SPEN: variants seen among roughly 807,000 people sequenced by gnomAD.
The protein encoded by SPEN is spen family transcriptional repressor.
In SPEN, 18 loss-of-function variants were observed where a neutral mutation model predicts 269.9. The ratio of observed to expected loss-of-function variants is 0.07; its 90% CI spans 0.05 to 0.10. The LOEUF (loss-of-function observed/expected upper bound fraction) is 0.10. Among genes scored for constraint, SPEN ranks in the 10% least tolerant of loss-of-function variants. The pLI, the probability that SPEN is intolerant of heterozygous loss-of-function variation, is 1.00. For missense variants in SPEN, 3,822 were observed against 4,631.2 expected (o/e 0.83, Z 5.07); for synonymous variants, 1,726 against 1,765.7 (o/e 0.98, Z 0.56).
Position 15,932,769 on chromosome 1 carries a change from C to T in SPEN, c.6529C>T (p.His2177Tyr). 1 of 1,614,204 alleles carries T rather than the reference C, an allele frequency of 6.2e-7. No individual in the cohort carries two copies. Among genetic ancestry groups the T allele is most frequent in the Non-Finnish European group, 8.5e-7 (1 of 1,180,030 alleles). The change falls in exon 11 of 15, where the codon CAC (histidine) becomes TAC (tyrosine). Residue 2177 changes from histidine to tyrosine, a missense_variant. Transcript: ENST00000375759. This position sits in a 1 kb window ranked among gnomAD's most constrained non-coding sequence, Gnocchi z 4.2. ...KQMELEQAVEHIAKLAEASAS... is the reference protein window; with the variant it reads ...KQMELEQAVEYIAKLAEASAS... ...GATGGAGCTGGAGCAGGCCGTGGAACACATCGCAAAGCTCGCTGAGGCCTC... is the reference window on the plus strand; with the variant it reads ...GATGGAGCTGGAGCAGGCCGTGGAATACATCGCAAAGCTCGCTGAGGCCTC...
intron 3 of SPEN, among the ~76,000 whole-genome samples, chr1:15,891,086 T>C (rs368199457): frequency 4.9e-4 from 75 of 152,338 alleles, no homozygotes; most frequent in Middle Eastern, 3.4e-3. Context: ...GCCTTTGTAA[T>C]GCTTAAGCGT....
intron 1 of SPEN, among the ~76,000 whole-genome samples, chr1:15,859,654 C>T (rs906633906): frequency 3.3e-5 from 5 of 152,006 alleles, no homozygotes; most frequent in African/African-American, 7.2e-5. Context: ...CAGGCTTGAG[C>T]CACTGTGCCC....
At chr1:15,889,664 A>T (rs981469208) in intron 3 of SPEN, among the ~76,000 whole-genome samples, 2 of 152,096 alleles carry the variant, frequency 1.3e-5, no homozygotes, top group African/African-American at 4.8e-5. Flanking sequence ...GTTATATGCT[A>T]CTGGAGTTTA....
chr1:15,879,788 A>G (rs1045587384), intron 3 of SPEN, among the ~76,000 whole-genome samples: 3 of 151,726 alleles, frequency 2.0e-5, no homozygotes, highest in Non-Finnish European at 4.4e-5. Context: ...CTTCTGCCTC[A>G]GCCTCTCGAG....
Position 15,862,582 on chromosome 1 carries a change from A to C in SPEN, c.84-10234A>C, listed in dbSNP as rs372561748. 8.5e-5 allele frequency among the ~76,000 whole-genome samples: 13 copies of C among 152,330 alleles called. No individual in the cohort carries two copies. The South Asian group carries it at 1.2e-3, about 15-fold the overall frequency. On this transcript the variant is annotated intron_variant, in intron 1 of 14. Coordinates refer to ENST00000375759, the MANE Select transcript of SPEN (RefSeq NM_015001.3). Reference sequence around the variant, plus strand: ...CAGAAACTTTGGAATTTTTCTCCTCATAATTTGACAATCTTTTGAGAGGTT... The same window carrying C: ...CAGAAACTTTGGAATTTTTCTCCTCCTAATTTGACAATCTTTTGAGAGGTT...
chr1:15,874,686 C>A (rs1285701797), intron 2 of SPEN, among the ~76,000 whole-genome samples: 1 of 152,066 alleles, frequency 6.6e-6, no homozygotes, highest in African/African-American at 2.4e-5. Flanking sequence ...TGATAGGGTG[C>A]TAAAGTAATT....
At chr1:15,870,723 A>G (rs2070564602) in intron 1 of SPEN, among the ~76,000 whole-genome samples, 1 of 137,490 alleles carries the variant, frequency 7.3e-6, no homozygotes, top group South Asian at 2.5e-4. Flanking sequence ...TAGCCTAGCC[A>G]ATAAAGGTTG....
At chr1:15,855,853 ACT>A (rs1182172885) in intron 1 of SPEN, among the ~76,000 whole-genome samples, 13 of 150,522 alleles carry the variant, frequency 8.6e-5, no homozygotes, top group African/African-American at 2.9e-4. Flanking sequence ...ACAGAGCAAG[ACT>A]CTGTCTCGAG....
At chr1:15,877,550 G>T (rs2070644001) in intron 3 of SPEN, among the ~76,000 whole-genome samples, 1 of 152,168 alleles carries the variant, frequency 6.6e-6, no homozygotes, top group Non-Finnish European at 1.5e-5. Context: ...ACAGGCATGA[G>T]CCAGAGTGCC....
chr1:15,856,180 C>A (rs965926078), intron 1 of SPEN, among the ~76,000 whole-genome samples: 1 of 151,280 alleles, frequency 6.6e-6, no homozygotes, highest in African/African-American at 2.4e-5. Context: ...TTAGTAGAGA[C>A]GGGGTTTCAC....
chr1:15,932,444 C>T lies in SPEN; in HGVS notation c.6204C>T (p.Ala2068=). 4 of 1,613,204 alleles carry T rather than the reference C, an allele frequency of 2.5e-6. No homozygotes were observed. The highest frequency in any genetic ancestry group is 3.4e-6 in the Non-Finnish European group (4 of 1,179,764). Residue 2068 remains alanine, a synonymous_variant, in exon 11 of 15, where the codon GCC becomes GCT. Coordinates refer to ENST00000375759, the MANE Select transcript of SPEN (RefSeq NM_015001.3). This position sits in a 1 kb window ranked among gnomAD's most constrained non-coding sequence, Gnocchi z 4.2. The part of the protein sequence containing the change: ...APVEVVEKKP[A]PEKNSKSKRG... ...TTGAAGTTGTAGAGAAAAAACCGGC[C>T]CCTGAAAAAAACTCCAAATCAAAGA...
At chr1:15,900,888 C>G (rs1355698138) in intron 3 of SPEN, among the ~76,000 whole-genome samples, 1 of 152,030 alleles carries the variant, frequency 6.6e-6, no homozygotes, top group East Asian at 1.9e-4. Context: ...ACCCCACCCC[C>G]ACTGTGACAA....
intron 2 of SPEN, chr1:15,874,545 C>G (rs2070612891): frequency 2.4e-6 from 1 of 418,614 alleles, no homozygotes; most frequent in African/African-American, 2.1e-5. Context: ...TTGTGCCTGC[C>G]TTCTGTATCT....
chr1:15,869,443 T>C (rs1388901873), intron 1 of SPEN, among the ~76,000 whole-genome samples: 2 of 152,206 alleles, frequency 1.3e-5, no homozygotes, highest in Non-Finnish European at 2.9e-5. Flanking sequence ...GTAATATAAG[T>C]ATTAATGTTA....
intron 1 of SPEN, among the ~76,000 whole-genome samples, chr1:15,851,734 C>T (rs764340999): frequency 1.9e-4 from 29 of 152,224 alleles, no homozygotes; most frequent in Non-Finnish European, 3.4e-4. Flanking sequence ...CTTATAATCC[C>T]AGCACTTTGG....
At chr1:15,916,103 T>C in intron 5 of SPEN, 25 bp from the exon 6 acceptor site, 2 of 1,589,990 alleles carry the variant, frequency 1.3e-6, no homozygotes, top group South Asian at 1.2e-5. Context: ...CTTCTCTTTT[T>C]ACTCGGCCCC....
At chr1:15,893,398 T>C (rs1426325739) in intron 3 of SPEN, among the ~76,000 whole-genome samples, 1 of 152,202 alleles carries the variant, frequency 6.6e-6, no homozygotes, top group Non-Finnish European at 1.5e-5. Flanking sequence ...CATCTTGGAC[T>C]GTAGCTTTGT....
At position 15,932,568 on chromosome 1, in the gene SPEN, G is replaced by A; in HGVS notation, c.6328G>A (p.Gly2110Arg). 5.0e-6 allele frequency: 8 copies of A among 1,602,034 alleles called. No individual in the cohort carries two copies. The highest frequency in any genetic ancestry group is 6.8e-6 in the Non-Finnish European group (8 of 1,172,682). ...VSPRGAAAQAGERESGVVAVS... is the reference protein window; with the variant it reads ...VSPRGAAAQARERESGVVAVS... ...TCCCAGGGGGGCTGCAGCACAGGCA[G>A]GGGAGAGGGAATCTGGGGTGGTGGC... The change falls in exon 11 of 15, where the codon GGG (glycine) becomes AGG (arginine). Residue 2110 changes from glycine (G) to arginine (R), a missense_variant. Gly to Arg is a moderately radical substitution (Grantham distance 125). Coordinates refer to ENST00000375759, the MANE Select transcript of SPEN (RefSeq NM_015001.3). This position sits in a 1 kb window ranked among gnomAD's most constrained non-coding sequence, Gnocchi z 4.2.
intron 3 of SPEN, among the ~76,000 whole-genome samples, chr1:15,907,791 C>G (rs2070973888): frequency 6.6e-6 from 1 of 152,210 alleles, no homozygotes; most frequent in Non-Finnish European, 1.5e-5. Flanking sequence ...TCTTGCATGT[C>G]CAGTACTGAA....
Sources: gnomAD v4.1 joint callset for allele counts (sites outside exome capture counted in the v4.1 genomes callset) on GRCh38, gnomAD v4.1.1 for gene constraint, Gnocchi (gnomAD v3.1) non-coding constraint, MANE v1.5 for transcripts, NCBI Gene and HGNC (gene_info 2026-07-23, HGNC 2026-07-21) for gene names.